The following ADAM10 variants were observed in gnomAD, a reference collection of about 807,000 sequenced individuals.
The protein encoded by ADAM10 is ADAM metallopeptidase domain 10.
Under a neutral mutation model 90.1 loss-of-function variants are expected in ADAM10, and 17 were observed. The ratio of observed to expected loss-of-function variants is 0.19; its 90% CI spans 0.13 to 0.28. The LOEUF is 0.28. Among genes scored for constraint, ADAM10 ranks in the 10% least tolerant of loss-of-function variants. The pLI is 1.00. For synonymous variants in ADAM10, 310 were observed against 298.6 expected, an observed-to-expected ratio of 1.04 and a Z score of -0.40; for missense variants, 610 against 914.3, an observed-to-expected ratio of 0.67 and a Z score of 4.29.
rs1342424057 is a variant in ADAM10 at position 58,595,526 on chromosome 15, G to A, written c.*2021C>T. On this transcript the variant is annotated 3_prime_UTR_variant, in exon 16 of 16. Transcript: ENST00000260408. ...AAAAAAAGATACTGTATAAAACACA[G>A]TGGACATTAAAACTGACAGTAGTAT... 1.3e-5 allele frequency: 2 copies of A among 152,128 alleles called. No homozygotes were observed. The highest frequency in any genetic ancestry group is 2.9e-5 in the Non-Finnish European group (2 of 68,000). The allele number at this position is 152,128 out of a possible 1,614,324, so 9.4% of individuals were successfully genotyped here. A position where few individuals can be genotyped will look rare whatever the true frequency, so the allele number is the denominator to read the frequency against.
intron 4 of ADAM10, among the ~76,000 whole-genome samples, chr15:58,667,286 A>G (rs1194963737): frequency 6.6e-6 from 1 of 152,022 alleles, no homozygotes; most frequent in Non-Finnish European, 1.5e-5. Context: ...ATATATTGTG[A>G]CTCTAACTCA....
At chr15:58,713,894 CCT>C (rs1216877685) in intron 2 of ADAM10, among the ~76,000 whole-genome samples, 1 of 151,620 alleles carries the variant, frequency 6.6e-6, no homozygotes, top group African/African-American at 2.4e-5. Flanking sequence ...CTCACTGCAA[CCT>C]CTGTGTCCCT....
chr15:58,653,863 CT>C (rs1896747118), intron 5 of ADAM10, among the ~76,000 whole-genome samples: 1 of 152,050 alleles, frequency 6.6e-6, no homozygotes, highest in Non-Finnish European at 1.5e-5. Flanking sequence ...TACTGGAAGA[CT>C]TTTTATTACA....
intron 6 of ADAM10, 35 bp from the exon 7 acceptor site, chr15:58,644,013 T>C: frequency 7.1e-7 from 1 of 1,412,858 alleles, no homozygotes; most frequent in Non-Finnish European, 1.0e-6. Flanking sequence ...TTAGAGGCAA[T>C]GTTGAAATAT....
intron 2 of ADAM10, 135 bp downstream of exon 2, chr15:58,717,442 C>T: frequency 9.0e-7 from 1 of 1,116,048 alleles, no homozygotes; most frequent in Non-Finnish European, 1.3e-6. Flanking sequence ...AATGCATATA[C>T]CAAATTCCAG....
chr15:58,675,465 A>G (rs948098795), intron 4 of ADAM10, among the ~76,000 whole-genome samples: 2 of 152,214 alleles, frequency 1.3e-5, no homozygotes, highest in Non-Finnish European at 2.9e-5. Flanking sequence ...GTTCATGTTA[A>G]TAACAATACT....
intron 1 of ADAM10, among the ~76,000 whole-genome samples, chr15:58,724,847 G>A (rs1394814721): frequency 6.6e-6 from 1 of 152,194 alleles, no homozygotes; most frequent in Non-Finnish European, 1.5e-5. Flanking sequence ...TGTAATGTAT[G>A]GAGCATTGCT....
chr15:58,667,736 TGGA>T lies in ADAM10; in HGVS notation c.485-2542_485-2540del, dbSNP rs753325869. Reference sequence around the variant, plus strand: ...GCCTACATCAACAAGGATTCACTGATGGAGAGTAGAAGAAAGGATAGGCTTTTT... The same window carrying T: ...GCCTACATCAACAAGGATTCACTGATGAGTAGAAGAAAGGATAGGCTTTTT... On this transcript the variant is annotated intron_variant, in intron 4 of 15. Transcript: ENST00000260408. Among the ~76,000 whole-genome samples, 6 of 151,898 alleles carry T rather than the reference TGGA, an allele frequency of 4.0e-5. No individual in the cohort carries two copies. In the East Asian group the frequency reaches 5.8e-4, roughly 15 times the overall value.
rs141923454 is a variant in ADAM10, at chr15:58,694,481, C to A, written c.207-12167G>T. The stretch of plus-strand genomic sequence containing the variant: ...AAAAACAAAAACAAACAAGGCCAGG[C>A]GAGTTGGCTAGTGCCTGTAATCCCA... On this transcript the variant is annotated intron_variant, in intron 2 of 15. Coordinates refer to ENST00000260408, the MANE Select transcript of ADAM10 (RefSeq NM_001110.4). Among the ~76,000 whole-genome samples, 45 of 151,920 alleles carry A rather than the reference C, an allele frequency of 3.0e-4. 2 individuals carry two copies. Among genetic ancestry groups the A allele is most frequent in the African/African-American group, 9.2e-4 (38 of 41,438 alleles).
chr15:58,699,965 T>C (rs1898084878), intron 2 of ADAM10, among the ~76,000 whole-genome samples: 1 of 152,110 alleles, frequency 6.6e-6, no homozygotes, highest in Non-Finnish European at 1.5e-5. Context: ...GAAACTCATC[T>C]TACCTGTAAA....
intron 1 of ADAM10, 104 bp downstream of exon 1, chr15:58,749,375 TG>T: frequency 8.1e-7 from 1 of 1,238,268 alleles, no homozygotes; most frequent in Non-Finnish European, 1.0e-6. Context: ...GCTGGCCGGC[TG>T]GGCTGACTGA....
chr15:58,734,975 C>T (rs1247664484), intron 1 of ADAM10, among the ~76,000 whole-genome samples: 6 of 152,212 alleles, frequency 3.9e-5, no homozygotes, highest in Admixed American at 3.3e-4. Context: ...TCAGACATCA[C>T]AAAATTGCCT....
At position 58,745,425 on chromosome 15, in the gene ADAM10, TCTTA is replaced by T. The variant is rs1407909142; in HGVS notation, c.55+4051_55+4054del. On this transcript the variant is annotated intron_variant, in intron 1 of 15. Coordinates refer to ENST00000260408, the MANE Select transcript of ADAM10 (RefSeq NM_001110.4). ...CATCCCAGTAGAAAAAGAAATGGTTTCTTACTTACCCATTTAGATAAAGAAATGT... is the reference window on the plus strand; with the variant it reads ...CATCCCAGTAGAAAAAGAAATGGTTTCTTACCCATTTAGATAAAGAAATGT... Among the ~76,000 whole-genome samples the T allele has an allele frequency of 8.5e-5, 13 of 152,332 alleles. No individual in the cohort carries two copies. In the South Asian group the frequency reaches 1.5e-3, roughly 17 times the overall value.
rs558379393 is a variant in ADAM10 at position 58,614,487 on chromosome 15, A to C, written c.1512-2496T>G. On this transcript the variant is annotated intron_variant, in intron 11 of 15. Coordinates refer to ENST00000260408, the MANE Select transcript of ADAM10 (RefSeq NM_001110.4). ...CTATTAGACTAGCAGCAGATTTCTC[A>C]GCAGAAATTTCACAGGCATGGAGAG... 9.8e-5 allele frequency among the ~76,000 whole-genome samples: 15 copies of C among 152,332 alleles called. No individual in the cohort carries two copies. In the East Asian group the frequency reaches 2.3e-3, roughly 23 times the overall value.
chr15:58,595,372 CAA>C lies in ADAM10; in HGVS notation c.*2173_*2174del, dbSNP rs1894924064. 1 of 152,070 alleles carries C rather than the reference CAA, an allele frequency of 6.6e-6. No individual in the cohort carries two copies. Among genetic ancestry groups the C allele is most frequent in the Non-Finnish European group, 1.5e-5 (1 of 67,968 alleles). 9.4% of individuals were successfully genotyped at this position (152,070 alleles called of 1,614,324 possible). Reference sequence around the variant, plus strand: ...GCTTCTTGTGATAGTTCTCAGAGTTCAAAGAGTATAGAACCTTCAAGTTGATT... The same window carrying C: ...GCTTCTTGTGATAGTTCTCAGAGTTCAGAGTATAGAACCTTCAAGTTGATT... On this transcript the variant is annotated 3_prime_UTR_variant, in exon 16 of 16. Coordinates refer to ENST00000260408, the MANE Select transcript of ADAM10 (RefSeq NM_001110.4).
rs16940720 is a variant in ADAM10, at chr15:58,737,460, C to G, written c.55+12020G>C. ...ATTACGCTTTAAGGGTAAAATTAGC[C>G]TACATGTAAAGGCAAGATCTGGCTT... On this transcript the variant is annotated intron_variant, in intron 1 of 15. Transcript: ENST00000260408. Among the ~76,000 whole-genome samples, 1,279 of 152,186 alleles carry G rather than the reference C, an allele frequency of 8.4e-3. 18 individuals are homozygous for G. The highest frequency in any genetic ancestry group is 0.029 in the African/African-American group (1,217 of 41,520).
intron 1 of ADAM10, among the ~76,000 whole-genome samples, chr15:58,722,207 T>G (rs1898878214): frequency 6.6e-6 from 1 of 151,892 alleles, no homozygotes; most frequent in Non-Finnish European, 1.5e-5. Context: ...CCTGGCGTGA[T>G]GGCATGCATC....
At chr15:58,601,857 G>A (rs1401135743) in intron 14 of ADAM10, among the ~76,000 whole-genome samples, 3 of 152,156 alleles carry the variant, frequency 2.0e-5, no homozygotes, top group Non-Finnish European at 4.4e-5. Context: ...GGGTTCCTCT[G>A]GTGTTTCTTT....
intron 14 of ADAM10, among the ~76,000 whole-genome samples, chr15:58,606,531 A>C (rs1566964924): frequency 6.6e-6 from 1 of 152,240 alleles, no homozygotes; most frequent in Admixed American, 6.5e-5. Flanking sequence ...TGAAAACCTT[A>C]CAATATCATT....
Sources: allele counts gnomAD v4.1 joint callset (sites outside exome capture counted in the v4.1 genomes callset), GRCh38; gene constraint gnomAD v4.1.1; transcripts MANE v1.5; gene names NCBI Gene and HGNC (gene_info 2026-07-23, HGNC 2026-07-21).